Variants in FOXP1 observed in about 807,000 individuals in gnomAD.
FOXP1 encodes the protein forkhead box protein P1.
A neutral mutation model predicts 98.2 loss-of-function variants in FOXP1; 15 were observed. That is an observed-to-expected ratio of 0.15 (90% CI 0.10 to 0.24). The LOEUF is 0.24. Among genes scored for constraint, FOXP1 ranks in the 10% least tolerant of loss-of-function variants. The pLI, the probability that FOXP1 is intolerant of heterozygous loss-of-function variation, is 1.00. For synonymous variants in FOXP1, 371 were observed against 314.5 expected, an observed-to-expected ratio of 1.18 and a Z score of -1.90; for missense variants, 633 against 848.5, an observed-to-expected ratio of 0.75 and a Z score of 3.15.
chr3:71,414,846 G>A (rs1577379536), intron 3 of FOXP1, among the ~76,000 whole-genome samples: 1 of 152,220 alleles, frequency 6.6e-6, no homozygotes. Context: ...AATAGCACTC[G>A]CTGATGGATC....
At chr3:71,583,448 T>TC (rs2048352571) in intron 1 of FOXP1, 123 bp downstream of exon 1, 1 of 978,030 alleles carries the variant, frequency 1.0e-6, no homozygotes, top group South Asian at 4.7e-5. Flanking sequence ...CCATTTTTTT[T>TC]CTCTTTTTCT....
chr3:71,467,027 A>T (rs781057484), intron 3 of FOXP1, among the ~76,000 whole-genome samples: 1 of 152,232 alleles, frequency 6.6e-6, no homozygotes, highest in Non-Finnish European at 1.5e-5. Context: ...ACAAAAAGAA[A>T]AAAATGCTGA....
rs2063850342 is a variant in FOXP1, at chr3:71,204,084, T to C, written c.-11-5692A>G. On this transcript the variant is annotated intron_variant, in intron 5 of 20. Transcript: ENST00000649528. Reference sequence around the variant, plus strand: ...TTGTCAGTTAACTCCATGCAGTTAGTAGACTGAGAAAGAATAAGGATGAGA... The same window carrying C: ...TTGTCAGTTAACTCCATGCAGTTAGCAGACTGAGAAAGAATAAGGATGAGA... 2.6e-5 allele frequency among the ~76,000 whole-genome samples: 4 copies of C among 152,174 alleles called. No homozygotes were observed. The South Asian group carries it at 6.2e-4, about 24-fold the overall frequency.
chr3:71,159,516 C>G (rs943939840), intron 6 of FOXP1, among the ~76,000 whole-genome samples: 2 of 152,136 alleles, frequency 1.3e-5, no homozygotes, highest in Non-Finnish European at 2.9e-5. Flanking sequence ...GAGTAAGTTC[C>G]TTGACCGGAC....
intron 4 of FOXP1, among the ~76,000 whole-genome samples, chr3:71,314,023 A>G (rs1292818867): frequency 6.6e-6 from 1 of 152,156 alleles, no homozygotes; most frequent in Admixed American, 6.5e-5. Flanking sequence ...TCTGTCCCTC[A>G]GTGTTCTCAT....
chr3:71,450,583 T>C (rs933659768), intron 3 of FOXP1, among the ~76,000 whole-genome samples: 1 of 152,236 alleles, frequency 6.6e-6, no homozygotes, highest in Non-Finnish European at 1.5e-5. Context: ...ATGTCTAGTG[T>C]ACTGTGATAT....
At chr3:71,065,589 C>G (rs2052381109) in intron 7 of FOXP1, 1 of 152,186 alleles carries the variant, frequency 6.6e-6, no homozygotes, top group South Asian at 2.1e-4. Context: ...AAAACTAAGC[C>G]GACGCGGGGT....
In FOXP1 at chr3:71,198,303, G is replaced by A. The variant is rs374005944; in HGVS notation, c.79C>T (p.Leu27=). Residue 27 remains leucine, a synonymous_variant, in exon 6 of 21, where the codon CTA becomes TTA. Transcript: ENST00000649528. ...QNGSGGSNHL[L]ECGGLREGRS... ...CCCTCCCGAAGACCGCCGCACTCTA[G>A]TAAGTGGTTGCTGCCGCCCGACCCA... The A allele has an allele frequency of 2.2e-5, 35 of 1,613,940 alleles. No individual in the cohort carries two copies. The East Asian group carries it at 6.2e-4, about 29-fold the overall frequency.
chr3:71,065,761 A>G (rs2052405041), intron 7 of FOXP1: 1 of 152,214 alleles, frequency 6.6e-6, no homozygotes, highest in South Asian at 2.1e-4. Flanking sequence ...AGCTACTCTC[A>G]ATAAGCACTT....
intron 4 of FOXP1, among the ~76,000 whole-genome samples, chr3:71,330,943 T>C (rs540823018): frequency 6.6e-6 from 1 of 152,354 alleles, no homozygotes; most frequent in African/African-American, 2.4e-5. Flanking sequence ...CTCCCACCTG[T>C]AATCCCAGTG....
At chr3:71,319,237 T>C (rs936924347) in intron 4 of FOXP1, among the ~76,000 whole-genome samples, 22 of 152,162 alleles carry the variant, frequency 1.4e-4, no homozygotes, top group Non-Finnish European at 3.1e-4. Flanking sequence ...GTTGACTCTC[T>C]TTACACCAAA....
chr3:71,161,127 T>C (rs1410876056), intron 6 of FOXP1, among the ~76,000 whole-genome samples: 1 of 152,206 alleles, frequency 6.6e-6, no homozygotes, highest in East Asian at 1.9e-4. Flanking sequence ...AGAATAAGAA[T>C]GGGAGGATAA....
chr3:71,020,264 T>C (rs1209584332), intron 11 of FOXP1, among the ~76,000 whole-genome samples: 1 of 152,218 alleles, frequency 6.6e-6, no homozygotes, highest in Non-Finnish European at 1.5e-5. Context: ...ATTTCTGACA[T>C]TAAATGATAC....
At chr3:71,481,719 T>C (rs927837408) in intron 3 of FOXP1, among the ~76,000 whole-genome samples, 6 of 152,186 alleles carry the variant, frequency 3.9e-5, no homozygotes, top group African/African-American at 1.4e-4. Flanking sequence ...TCATGATACT[T>C]GATAAAGAAA....
intron 6 of FOXP1, among the ~76,000 whole-genome samples, chr3:71,118,729 C>G (rs2058553486): frequency 6.6e-6 from 1 of 151,978 alleles, no homozygotes; most frequent in Non-Finnish European, 1.5e-5. Flanking sequence ...ATGGTTTTTG[C>G]TTACTTAAAT....
chr3:71,180,463 A>G (rs1025420419), intron 6 of FOXP1, among the ~76,000 whole-genome samples: 1 of 152,138 alleles, frequency 6.6e-6, no homozygotes, highest in Non-Finnish European at 1.5e-5. Context: ...AAATGCAGGC[A>G]CAAGAATTTA....
intron 3 of FOXP1, among the ~76,000 whole-genome samples, chr3:71,474,230 G>A (rs763672876): frequency 6.6e-5 from 10 of 152,040 alleles, no homozygotes; most frequent in Non-Finnish European, 1.2e-4. Context: ...TCATGAAACA[G>A]TAAAAAACCT....
At chr3:71,050,378 G>C (rs1049541586) in intron 9 of FOXP1, among the ~76,000 whole-genome samples, 2 of 152,150 alleles carry the variant, frequency 1.3e-5, no homozygotes, top group Non-Finnish European at 2.9e-5. Flanking sequence ...AGTGGCAACA[G>C]AAAGGAAAAA....
chr3:71,494,400 TG>T (rs1409117852), intron 2 of FOXP1, among the ~76,000 whole-genome samples: 2 of 152,242 alleles, frequency 1.3e-5, no homozygotes, highest in Non-Finnish European at 2.9e-5. Flanking sequence ...GTTTTTGTTT[TG>T]TTTTTACCAT....
Sources: allele counts gnomAD v4.1 joint callset (sites outside exome capture counted in the v4.1 genomes callset), GRCh38; gene constraint gnomAD v4.1.1; transcripts MANE v1.5; gene names NCBI Gene and HGNC (gene_info 2026-07-23, HGNC 2026-07-21).